Variants in PEAK1 observed in about 807,000 individuals in gnomAD.
PEAK1 encodes the protein pseudopodium enriched atypical kinase 1.
Under a neutral mutation model 124.7 loss-of-function variants are expected in PEAK1, and 54 were observed. The observed-to-expected ratio is 0.43, with a 90% CI of 0.35 to 0.54. The LOEUF is 0.54. Ranked by LOEUF, PEAK1 falls within the 20% of genes least tolerant of loss-of-function variation. The probability of loss-of-function intolerance (pLI) is 0.01; values close to 1 mark genes in which losing one functional copy is unlikely to be tolerated. For missense variants in PEAK1, 2,046 were observed against 2,134.5 expected, an observed-to-expected ratio of 0.96 and a Z score of 0.82; for synonymous variants, 719 against 760.0, an observed-to-expected ratio of 0.95 and a Z score of 0.89.
At chr15:77,343,095 T>C (rs2066643078) in intron 2 of PEAK1, among the ~76,000 whole-genome samples, 1 of 152,240 alleles carries the variant, frequency 6.6e-6, no homozygotes, top group African/African-American at 2.4e-5. Context: ...TGCACAAAGG[T>C]TCCAATTTAT....
At chr15:77,150,976 T>C (rs2054574208) in intron 8 of PEAK1, among the ~76,000 whole-genome samples, 1 of 152,126 alleles carries the variant, frequency 6.6e-6, no homozygotes, top group African/African-American at 2.4e-5. Context: ...TAAACATACG[T>C]GTGCATGTGT....
intron 6 of PEAK1, among the ~76,000 whole-genome samples, chr15:77,229,966 C>A (rs918812855): frequency 1.3e-5 from 2 of 151,930 alleles, no homozygotes; most frequent in South Asian, 2.1e-4. Flanking sequence ...TGTTTCTAAC[C>A]TTTGATTCAA....
chr15:77,407,974 C>A (rs1009563599), intron 1 of PEAK1, among the ~76,000 whole-genome samples: 3 of 148,874 alleles, frequency 2.0e-5, no homozygotes, highest in Admixed American at 2.0e-4. Context: ...CACATATATA[C>A]ACACATATAC....
intron 2 of PEAK1, chr15:77,337,541 A>T: frequency 1.0e-6 from 1 of 985,118 alleles, no homozygotes. Context: ...AGAAGATAAG[A>T]TGTAGTCTGG....
chr15:77,133,308 A>G lies in PEAK1; in HGVS notation c.3774T>C (p.Arg1258=). Residue 1258 remains arginine (R), a synonymous_variant, in exon 9 of 10, where the codon CGT becomes CGC. Transcript: ENST00000682557. This position sits in a 1 kb window ranked among gnomAD's most constrained non-coding sequence, Gnocchi z 4.2. ...SNSMESLSSR[R]GPSCRQGRGI... ...CTCGGCCCTGTCTGCAAGAGGGCCC[A>G]CGCCGGCTGGAGAGGGATTCCATGC... is the stretch of plus-strand genomic sequence containing the variant. 6.2e-7 allele frequency: 1 copy of G among 1,614,244 alleles called. No individual in the cohort carries two copies. Among genetic ancestry groups the G allele is most frequent in the East Asian group, 2.2e-5 (1 of 44,886 alleles).
At chr15:77,189,386 C>T (rs1179885895) in intron 6 of PEAK1, among the ~76,000 whole-genome samples, 1 of 152,162 alleles carries the variant, frequency 6.6e-6, no homozygotes, top group Admixed American at 6.5e-5. Context: ...AGCTTCATGG[C>T]ATCTGGAGGC....
intron 1 of PEAK1, chr15:77,403,113 C>G (rs1201277172): frequency 3.0e-6 from 3 of 985,152 alleles, no homozygotes; most frequent in Admixed American, 6.2e-5. Flanking sequence ...TAAATTGGAG[C>G]CTTTTCTGGT....
At chr15:77,333,582 TTTCA>T in intron 2 of PEAK1, 8 of 928,674 alleles carry the variant, frequency 8.6e-6, no homozygotes, top group Non-Finnish European at 1.0e-5. Context: ...TTTAAAATGT[TTTCA>T]TTATTTTAAC....
intron 7 of PEAK1, among the ~76,000 whole-genome samples, chr15:77,174,613 T>C (rs1161795496): frequency 6.6e-6 from 1 of 152,216 alleles, no homozygotes; most frequent in Non-Finnish European, 1.5e-5. Flanking sequence ...CTTTTTCTAC[T>C]TAGTCTGGGA....
At chr15:77,294,751 C>A (rs115861060) in intron 2 of PEAK1, among the ~76,000 whole-genome samples, 1 of 152,174 alleles carries the variant, frequency 6.6e-6, no homozygotes, top group East Asian at 1.9e-4. Context: ...AGTATAGATG[C>A]TGGACATTAT....
At chr15:77,169,294 G>A (rs1026612494) in intron 7 of PEAK1, among the ~76,000 whole-genome samples, 2 of 152,162 alleles carry the variant, frequency 1.3e-5, no homozygotes, top group East Asian at 1.9e-4. Flanking sequence ...AATTATTTAC[G>A]TAAGAGTGAG....
chr15:77,412,201 G>T (rs896916663), intron 1 of PEAK1, among the ~76,000 whole-genome samples: 13 of 152,066 alleles, frequency 8.5e-5, no homozygotes, highest in Admixed American at 2.0e-4. Flanking sequence ...CACTCCTCAG[G>T]TGATCTAATC....
At position 77,158,645 on chromosome 15, in the gene PEAK1, A is replaced by C; in HGVS notation, c.3189T>G (p.Thr1063=). 6.2e-7 allele frequency: 1 copy of C among 1,614,126 alleles called. No individual in the cohort carries two copies. The highest frequency in any genetic ancestry group is 8.5e-7 in the Non-Finnish European group (1 of 1,179,984). ...CCCTGCCATCTTGCTTCCCAACAAC[A>C]GTTCTTGGATCCCGAGGAGAAAAAT... The part of the protein sequence containing the change: ...TEDFSPRDPR[T]VVGKQDGRGC... The change falls in exon 8 of 10, where the codon ACT becomes ACG. Residue 1063 remains threonine (T), a synonymous_variant. Coordinates refer to ENST00000682557, the MANE Select transcript of PEAK1 (RefSeq NM_001385026.1).
chr15:77,128,027 C>T (rs1338575891), intron 9 of PEAK1, among the ~76,000 whole-genome samples: 2 of 150,470 alleles, frequency 1.3e-5, no homozygotes, highest in Non-Finnish European at 3.0e-5. Flanking sequence ...TGCAGTGAAC[C>T]GAGATCGTGT....
chr15:77,316,365 T>C (rs1476517613), intron 2 of PEAK1, among the ~76,000 whole-genome samples: 1 of 152,202 alleles, frequency 6.6e-6, no homozygotes, highest in Admixed American at 6.5e-5. Context: ...TATGTATATA[T>C]CTATTTATCT....
intron 5 of PEAK1, among the ~76,000 whole-genome samples, chr15:77,279,500 G>A (rs2062545950): frequency 6.6e-6 from 1 of 152,148 alleles, no homozygotes. Context: ...CCACTGAGAT[G>A]GAGCCCCTCA....
chr15:77,350,413 G>A, intron 2 of PEAK1: 1 of 985,320 alleles, frequency 1.0e-6, no homozygotes, highest in Non-Finnish European at 1.2e-6. Context: ...TCACTGAATA[G>A]GGAACAGCCT....
chr15:77,205,807 A>G (rs974542539), intron 6 of PEAK1, among the ~76,000 whole-genome samples: 2 of 151,180 alleles, frequency 1.3e-5, no homozygotes, highest in African/African-American at 2.4e-5. Context: ...TCACTGGAAT[A>G]ACTTTATTAT....
At chr15:77,344,658 G>A (rs2066757463) in intron 2 of PEAK1, among the ~76,000 whole-genome samples, 1 of 152,196 alleles carries the variant, frequency 6.6e-6, no homozygotes, top group Non-Finnish European at 1.5e-5. Context: ...GGGTAGTACT[G>A]ACATCTTAAC....
Sources: gnomAD v4.1 joint callset for allele counts (sites outside exome capture counted in the v4.1 genomes callset) on GRCh38, gnomAD v4.1.1 for gene constraint, Gnocchi (gnomAD v3.1) non-coding constraint, MANE v1.5 for transcripts, NCBI Gene and HGNC (gene_info 2026-07-23, HGNC 2026-07-21) for gene names.